Variants in IFRD1 observed in about 807,000 individuals in gnomAD.
The protein encoded by IFRD1 is interferon related developmental regulator 1.
Under a neutral mutation model 52.9 loss-of-function variants are expected in IFRD1, and 35 were observed. The ratio of observed to expected loss-of-function variants is 0.66; its 90% confidence interval spans 0.51 to 0.88. IFRD1 has a LOEUF of 0.88. Among genes scored for constraint, IFRD1 ranks in the 40% least tolerant of loss-of-function variants. The pLI is 0.00. For missense variants in IFRD1, 517 were observed against 550.8 expected, an observed-to-expected ratio of 0.94 and a Z score of 0.61; for synonymous variants, 184 against 188.4, an observed-to-expected ratio of 0.98 and a Z score of 0.19.
intron 9 of IFRD1, 60 bp downstream of exon 9, chr7:112,468,175 A>C: frequency 8.5e-6 from 13 of 1,532,936 alleles, no homozygotes; most frequent in Non-Finnish European, 1.2e-5. Context: ...TTCAGGCTGA[A>C]CTTGACAATT....
chr7:112,442,240 G>A (rs995689500), intron 1 of IFRD1, among the ~76,000 whole-genome samples: 9 of 152,142 alleles, frequency 5.9e-5, no homozygotes, highest in Non-Finnish European at 8.8e-5. Context: ...CTGATCTGGG[G>A]CTTAGTAAAT....
chr7:112,455,596 G>A (rs1192940103), intron 1 of IFRD1, among the ~76,000 whole-genome samples, 167 bp from the exon 2 acceptor site: 1 of 152,182 alleles, frequency 6.6e-6, no homozygotes, highest in East Asian at 1.9e-4. Flanking sequence ...GGTGAACTTA[G>A]TTTAAGAATA....
At chr7:112,466,358 A>T (rs1049148417) in intron 8 of IFRD1, among the ~76,000 whole-genome samples, 3 of 152,116 alleles carry the variant, frequency 2.0e-5, no homozygotes, top group Non-Finnish European at 1.5e-5. Context: ...TCACAAACTA[A>T]ACTTGATTGG....
At chr7:112,475,034 C>T (rs1393764393) in intron 11 of IFRD1, among the ~76,000 whole-genome samples, 4 of 152,136 alleles carry the variant, frequency 2.6e-5, no homozygotes, top group Non-Finnish European at 5.9e-5. Flanking sequence ...TCTCGGCTCA[C>T]TGCAACCTCT....
intron 11 of IFRD1, among the ~76,000 whole-genome samples, chr7:112,473,429 C>CTT (rs1171658373): frequency 3.0e-4 from 43 of 142,924 alleles, no homozygotes; most frequent in African/African-American, 9.7e-4. Flanking sequence ...CTTAACATTT[C>CTT]TTTTTTTTTT....
chr7:112,473,935 A>G lies in IFRD1; in HGVS notation c.1266+1074A>G, dbSNP rs541355177. ...CTACCCCCCGCCACTGGCAACCGCTAATCTGCTGTCTCTGGATTTACTTTT... is the reference window on the plus strand; with the variant it reads ...CTACCCCCCGCCACTGGCAACCGCTGATCTGCTGTCTCTGGATTTACTTTT... On this transcript the variant is annotated intron_variant, in intron 11 of 11. Coordinates refer to ENST00000403825, the MANE Select transcript of IFRD1 (RefSeq NM_001550.4). 4.6e-5 allele frequency among the ~76,000 whole-genome samples: 7 copies of G among 152,310 alleles called. No homozygotes were observed. In the South Asian group the frequency reaches 1.5e-3, roughly 32 times the overall value.
At chr7:112,462,812 A>G (rs1795475321) in intron 8 of IFRD1, among the ~76,000 whole-genome samples, 1 of 113,688 alleles carries the variant, frequency 8.8e-6, no homozygotes. Context: ...TCTAAGCCAA[A>G]GATGGAAATA....
intron 1 of IFRD1, chr7:112,452,512 G>A (rs745891634): frequency 1.1e-6 from 1 of 919,736 alleles, no homozygotes; most frequent in African/African-American, 1.8e-5. Flanking sequence ...TTTCTAGAAG[G>A]TATTTATTTT....
intron 1 of IFRD1, among the ~76,000 whole-genome samples, chr7:112,444,436 T>C (rs1794971637): frequency 6.6e-6 from 1 of 152,234 alleles, no homozygotes; most frequent in South Asian, 2.1e-4. Flanking sequence ...AAATTTAGCA[T>C]GCTGTATTAT....
Position 112,450,559 on chromosome 7 carries a change from T to G in IFRD1, c.-130T>G. The stretch of plus-strand genomic sequence containing the variant: ...CACCGCCCACTCTTACCCCCGCCGC[T>G]TCTCGACTCTGTTGTTAGCCGAAGA... On this transcript the variant is annotated 5_prime_UTR_variant, in exon 1 of 12. Transcript: ENST00000403825. 6.9e-6 allele frequency: 5 copies of G among 721,088 alleles called. No homozygotes were observed. The highest frequency in any genetic ancestry group is 2.5e-6 in the Non-Finnish European group (1 of 395,768). The allele number at this position is 721,088 out of a possible 1,614,324, so 44.7% of individuals were successfully genotyped here. A position where few individuals can be genotyped will look rare whatever the true frequency, so the allele number is the denominator to read the frequency against.
chr7:112,428,621 T>C (rs1794479683), intron 1 of IFRD1, among the ~76,000 whole-genome samples: 1 of 152,212 alleles, frequency 6.6e-6, no homozygotes, highest in African/African-American at 2.4e-5. Context: ...TGTTAGTGGC[T>C]TAGCTATCAT....
chr7:112,446,255 C>A, upstream of IFRD1: 1 of 213,478 alleles, frequency 4.7e-6, no homozygotes, highest in South Asian at 7.9e-5. Context: ...GTACCACATT[C>A]ATCTGAAGAG....
chr7:112,455,419 A>G lies in IFRD1; in HGVS notation c.95-344A>G, dbSNP rs1000702145. On this transcript the variant is annotated intron_variant, in intron 1 of 11. Transcript: ENST00000403825. ...AGAATTGCTCGAACCCAGGAGGTGG[A>G]GGTTACAGTGAGCCAAGATTGTGCC... Among the ~76,000 whole-genome samples the G allele has an allele frequency of 9.2e-5, 14 of 152,144 alleles. No homozygotes were observed. In the East Asian group the frequency reaches 2.3e-3, roughly 25 times the overall value.
In IFRD1 at chr7:112,457,037, AGG is replaced by A; in HGVS notation, c.409_409+1del. On this transcript the variant is annotated splice_donor_variant and coding_sequence_variant, in exon 4 of 12. Coordinates refer to ENST00000403825, the MANE Select transcript of IFRD1 (RefSeq NM_001550.4). LOFTEE classifies it high-confidence loss of function. ...ATAGCATTGAACGCTGCCTGAAAAA[AGG>A]TAATGCCCTTATTTTTGAGTCACAG... 6.2e-7 allele frequency: 1 copy of A among 1,613,806 alleles called. No individual in the cohort carries two copies. Among genetic ancestry groups the A allele is most frequent in the Non-Finnish European group, 8.5e-7 (1 of 1,179,836 alleles).
rs534586360 is a variant in IFRD1, at chr7:112,462,381, A to G, written c.906+3A>G. The G allele has an allele frequency of 1.3e-6, 2 of 1,575,754 alleles. No individual in the cohort carries two copies. Among genetic ancestry groups the G allele is most frequent in the East Asian group, 2.2e-5 (1 of 44,698 alleles). On this transcript the variant is annotated splice_donor_region_variant and intron_variant, in intron 8 of 11. Coordinates refer to ENST00000403825, the MANE Select transcript of IFRD1 (RefSeq NM_001550.4). ...AATTGGCCAGAGGAATAGAGAGTGT[A>G]AGTATCTAACTGGCAGAGGAAAAAG...
chr7:112,445,290 T>G (rs1251991986), intron 1 of IFRD1, among the ~76,000 whole-genome samples: 1 of 151,918 alleles, frequency 6.6e-6, no homozygotes, highest in Non-Finnish European at 1.5e-5. Context: ...ATGGTCTCGA[T>G]CTCCTGACCT....
At chr7:112,473,594 T>G (rs1381241090) in intron 11 of IFRD1, among the ~76,000 whole-genome samples, 1 of 152,014 alleles carries the variant, frequency 6.6e-6, no homozygotes, top group Non-Finnish European at 1.5e-5. Context: ...CTGGCTAGTT[T>G]TTGTATTTTT....
intron 8 of IFRD1, among the ~76,000 whole-genome samples, chr7:112,466,782 TA>T (rs1180139567): frequency 6.6e-6 from 1 of 152,124 alleles, no homozygotes; most frequent in East Asian, 1.9e-4. Context: ...AAGTAGCCAA[TA>T]AAATGAGTAG....
At chr7:112,467,416 C>T (rs980441179) in intron 8 of IFRD1, 7 of 156,954 alleles carry the variant, frequency 4.5e-5, no homozygotes, top group African/African-American at 1.7e-4. Flanking sequence ...CCATAATCTG[C>T]TTAAGGTCAC....
Sources: gnomAD v4.1 joint callset for allele counts (sites outside exome capture counted in the v4.1 genomes callset) on GRCh38, gnomAD v4.1.1 for gene constraint, MANE v1.5 for transcripts, NCBI Gene and HGNC (gene_info 2026-07-23, HGNC 2026-07-21) for gene names.